YAP1: variants seen among roughly 807,000 people sequenced by gnomAD.
The protein encoded by YAP1 is Yes1 associated transcriptional regulator, also known as transcriptional coactivator YAP1.
A neutral mutation model predicts 56.9 loss-of-function variants in YAP1; 5 were observed. That is an observed-to-expected ratio of 0.09 (90% CI 0.05 to 0.18). The LOEUF (loss-of-function observed/expected upper bound fraction) is 0.18, where lower values mean the gene tolerates loss of function less well. Ranked by LOEUF, YAP1 falls within the 10% of genes least tolerant of loss-of-function variation. YAP1 has a pLI of 1.00. For synonymous variants in YAP1, 265 were observed against 248.1 expected, an observed-to-expected ratio of 1.07 and a Z score of -0.64; for missense variants, 539 against 651.8, an observed-to-expected ratio of 0.83 and a Z score of 1.88.
intron 4 of YAP1, among the ~76,000 whole-genome samples, chr11:102,189,714 G>T (rs75669239): frequency 0.025 from 3,823 of 152,158 alleles, 62 homozygotes; most frequent in Middle Eastern, 0.075. Context: ...TGCTTTCTGT[G>T]CATTTACATA....
Position 102,189,498 on chromosome 11 carries a change from T to A in YAP1, c.802+3367T>A, listed in dbSNP as rs188803824. On this transcript the variant is annotated intron_variant, in intron 4 of 8. Coordinates refer to ENST00000282441, the MANE Select transcript of YAP1 (RefSeq NM_001130145.3). ...GCACCACTGGGATAAAAATATTTGG[T>A]GTAAACAAAATATTGGAGCAAGAGA... Among the ~76,000 whole-genome samples the A allele has an allele frequency of 5.9e-5, 9 of 152,324 alleles. No individual in the cohort carries two copies. In the East Asian group the frequency reaches 1.7e-3, roughly 29 times the overall value.
At chr11:102,134,308 A>G (rs1365559929) in intron 2 of YAP1, among the ~76,000 whole-genome samples, 1 of 152,006 alleles carries the variant, frequency 6.6e-6, no homozygotes, top group African/African-American at 2.4e-5. Context: ...TAATCTGTTA[A>G]CTGTGATTTA....
intron 2 of YAP1, among the ~76,000 whole-genome samples, chr11:102,157,941 C>T (rs930255684): frequency 1.3e-5 from 2 of 152,098 alleles, no homozygotes; most frequent in African/African-American, 4.8e-5. Context: ...AAAAAAGTTT[C>T]TAATTATGGT....
At chr11:102,141,516 T>C (rs1196535327) in intron 2 of YAP1, among the ~76,000 whole-genome samples, 3 of 152,140 alleles carry the variant, frequency 2.0e-5, no homozygotes, top group Non-Finnish European at 4.4e-5. Context: ...CCCTAAGTAA[T>C]GTAGCTTAGG....
At chr11:102,135,907 C>T (rs1944649509) in intron 2 of YAP1, among the ~76,000 whole-genome samples, 1 of 152,138 alleles carries the variant, frequency 6.6e-6, no homozygotes, top group Non-Finnish European at 1.5e-5. Context: ...TGTATATTTT[C>T]ATAGCTGTGT....
chr11:102,172,190 T>G (rs1410583251), intron 3 of YAP1, among the ~76,000 whole-genome samples: 2 of 99,462 alleles, frequency 2.0e-5, no homozygotes, highest in African/African-American at 3.9e-5. Context: ...CAGAACTTCT[T>G]CTCAAAAAAA....
chr11:102,129,333 C>A (rs899110334), intron 2 of YAP1, among the ~76,000 whole-genome samples: 1 of 152,008 alleles, frequency 6.6e-6, no homozygotes, highest in East Asian at 1.9e-4. Context: ...AAAATACATT[C>A]ATCTGGGCCA....
chr11:102,229,851 G>A lies in YAP1; in HGVS notation c.1426G>A (p.Glu476Lys). Residue 476 changes from glutamate to lysine, a missense_variant, in exon 9 of 9, where the codon GAA becomes AAA. Around this residue, in one of 4 missense-constraint regions of YAP1, gnomAD observed 414 missense variants for 512.4 expected, o/e 0.81. Coordinates refer to ENST00000282441, the MANE Select transcript of YAP1 (RefSeq NM_001130145.3). ...EGEELMPSLQEALSSDILNDM... is the reference protein window; with the variant it reads ...EGEELMPSLQKALSSDILNDM... ...AGAGGAGCTGATGCCAAGTCTGCAG[G>A]AAGCTTTGAGTTCTGACATCCTTAA... 1 of 1,614,140 alleles carries A rather than the reference G, an allele frequency of 6.2e-7. No homozygotes were observed. Among genetic ancestry groups the A allele is most frequent in the South Asian group, 1.1e-5 (1 of 91,082 alleles).
chr11:102,171,834 A>C (rs189838355), intron 3 of YAP1, among the ~76,000 whole-genome samples: 1 of 152,174 alleles, frequency 6.6e-6, no homozygotes, highest in African/African-American at 2.4e-5. Flanking sequence ...GCCCTGCTTT[A>C]TACTATGCCC....
intron 2 of YAP1, among the ~76,000 whole-genome samples, chr11:102,125,031 C>T (rs1312033319): frequency 6.6e-6 from 1 of 152,086 alleles, no homozygotes; most frequent in South Asian, 2.1e-4. Context: ...AGCCACCGTG[C>T]CTAGCCAGAT....
intron 4 of YAP1, among the ~76,000 whole-genome samples, chr11:102,188,561 G>C (rs577449230): frequency 7.2e-5 from 11 of 152,300 alleles, no homozygotes; most frequent in African/African-American, 2.4e-4. Flanking sequence ...TTCTAATACT[G>C]TGTTTTTACT....
intron 7 of YAP1, among the ~76,000 whole-genome samples, chr11:102,225,560 T>C (rs1188244781): frequency 6.6e-6 from 1 of 152,210 alleles, no homozygotes; most frequent in African/African-American, 2.4e-5. Context: ...TGTATATTCC[T>C]TAAGCTCTAA....
At chr11:102,147,100 G>A (rs551100048) in intron 2 of YAP1, among the ~76,000 whole-genome samples, 35 of 152,284 alleles carry the variant, frequency 2.3e-4, no homozygotes. Context: ...GTACAGTTCA[G>A]CCAAAATCGT....
Position 102,229,809 on chromosome 11 carries a change from G to A in YAP1, c.1384G>A (p.Gly462Arg), listed in dbSNP as rs1950374068. 6.2e-7 allele frequency: 1 copy of A among 1,614,010 alleles called. No homozygotes were observed. Among genetic ancestry groups the A allele is most frequent in the Middle Eastern group, 1.6e-4 (1 of 6,084 alleles). ...NVDLGTLEGD[G>R]MNIEGEELMP... ...GGACCTTGGAACACTGGAAGGAGATGGAATGAACATAGAAGGAGAGGAGCT... is the reference window on the plus strand; with the variant it reads ...GGACCTTGGAACACTGGAAGGAGATAGAATGAACATAGAAGGAGAGGAGCT... Residue 462 changes from glycine to arginine, a missense_variant, in exon 9 of 9, where the codon GGA (glycine) becomes AGA (arginine). By Grantham distance (125) the Gly-to-Arg change is moderately radical. Around this residue, in one of 4 missense-constraint regions of YAP1, gnomAD observed 414 missense variants for 512.4 expected, o/e 0.81. Coordinates refer to ENST00000282441, the MANE Select transcript of YAP1 (RefSeq NM_001130145.3).
At chr11:102,223,003 T>TG (rs1230149031) in intron 6 of YAP1, among the ~76,000 whole-genome samples, 1 of 151,852 alleles carries the variant, frequency 6.6e-6, no homozygotes, top group Non-Finnish European at 1.5e-5. Flanking sequence ...CCAGCACTTT[T>TG]GGGGGGCCAA....
At chr11:102,116,903 A>T (rs556778758) in intron 2 of YAP1, among the ~76,000 whole-genome samples, 216 of 152,300 alleles carry the variant, frequency 1.4e-3, no homozygotes, top group African/African-American at 4.9e-3. Context: ...CAGGGATTCT[A>T]TGGAGGCCCC....
rs2135741352 is a variant in YAP1, at chr11:102,233,295, A to T, written c.*3355A>T. 6.6e-6 allele frequency: 1 copy of T among 152,190 alleles called. No homozygotes were observed. The highest frequency in any genetic ancestry group is 2.4e-5 in the African/African-American group (1 of 41,520). 9.4% of individuals were successfully genotyped at this position (152,190 alleles called of 1,614,324 possible). On this transcript the variant is annotated 3_prime_UTR_variant, in exon 9 of 9. Coordinates refer to ENST00000282441, the MANE Select transcript of YAP1 (RefSeq NM_001130145.3). ...TATATAGTACCAATGTTACCTTTTT[A>T]TTTTTTGTTTTAGATGTAAGAGCAT...
intron 3 of YAP1, among the ~76,000 whole-genome samples, chr11:102,167,031 T>G (rs1440868284): frequency 6.6e-6 from 1 of 152,202 alleles, no homozygotes; most frequent in Non-Finnish European, 1.5e-5. Flanking sequence ...ATCAGTATAA[T>G]TATGCTTTTA....
intron 1 of YAP1, among the ~76,000 whole-genome samples, chr11:102,113,559 G>C (rs1030364856): frequency 1.3e-5 from 2 of 152,014 alleles, no homozygotes; most frequent in African/African-American, 2.4e-5. Flanking sequence ...GTTCATTGTA[G>C]ATGGCTTTTA....
Sources: allele counts gnomAD v4.1 joint callset (sites outside exome capture counted in the v4.1 genomes callset), GRCh38; gene constraint gnomAD v4.1.1; regional missense constraint gnomAD v4.1.1; transcripts MANE v1.5; gene names NCBI Gene and HGNC (gene_info 2026-07-23, HGNC 2026-07-21).